Variants in RS1 observed in about 807,000 individuals in gnomAD.
RS1 encodes retinoschisin 1.
A neutral mutation model predicts 20.8 loss-of-function variants in RS1; 2 were observed. The ratio of observed to expected loss-of-function variants is 0.10; its 90% CI spans 0.04 to 0.30. The LOEUF (loss-of-function observed/expected upper bound fraction) is 0.30, where lower values mean the gene tolerates loss of function less well. Ranked by LOEUF, RS1 falls within the 10% of genes least tolerant of loss-of-function variation. RS1 has a pLI of 1.00. For synonymous variants in RS1, 70 were observed against 75.8 expected, an observed-to-expected ratio of 0.92 and a Z score of 0.40; for missense variants, 151 against 189.8, an observed-to-expected ratio of 0.80 and a Z score of 1.20.
rs186084361 is a variant in RS1 at position 18,663,704 on chromosome X, C to A, written c.53-6039G>T. Among the ~76,000 whole-genome samples, 3 of 111,266 alleles carry A rather than the reference C, an allele frequency of 2.7e-5. No individual in the cohort carries two copies. In the East Asian group the frequency reaches 8.5e-4, roughly 32 times the overall value. On this transcript the variant is annotated intron_variant, in intron 1 of 5. Coordinates refer to ENST00000379984, the MANE Select transcript of RS1 (RefSeq NM_000330.4). ...CAACACTGACCTTCCATCTTCACAC[C>A]GCAATGTTGGGTGCTGTCAGTCCCA...
intron 1 of RS1, among the ~76,000 whole-genome samples, chrX:18,667,623 T>C (rs1928426516): frequency 9.1e-6 from 1 of 110,325 alleles, no homozygotes; most frequent in Non-Finnish European, 1.9e-5. Context: ...TCACTGACAG[T>C]GTGGCTTTCA....
chrX:18,658,324 C>T (rs747110429), intron 1 of RS1, among the ~76,000 whole-genome samples: 2 of 111,768 alleles, frequency 1.8e-5, no homozygotes, highest in African/African-American at 3.2e-5. Context: ...ATAAATATTT[C>T]CCGTCATTTC....
At chrX:18,666,397 C>T (rs1168072928) in intron 1 of RS1, among the ~76,000 whole-genome samples, 3 of 111,047 alleles carry the variant, frequency 2.7e-5, no homozygotes, top group African/African-American at 9.8e-5. Context: ...GCCAAGCCCT[C>T]GAGGTGAGCG....
At chrX:18,657,761 C>T (rs1051090027) in intron 1 of RS1, 96 bp from the exon 2 acceptor site, 1 of 729,534 alleles carries the variant, frequency 1.4e-6, no homozygotes, top group Non-Finnish European at 2.2e-6. Context: ...GAAATAGTCA[C>T]ATGAAAGCTA....
rs919610943 is a variant in RS1, at chrX:18,641,781, C to A, written c.*223G>T. ...AGAAAATTCGTTTCGGGGACATTTT[C>A]TTTGTTCTGACTTTCTCTGGCCCTG... is the stretch of plus-strand genomic sequence containing the variant. On this transcript the variant is annotated 3_prime_UTR_variant, in exon 6 of 6. Transcript: ENST00000379984. 3 of 414,824 alleles carry A rather than the reference C, an allele frequency of 7.2e-6. No homozygotes were observed. The Admixed American group carries it at 1.3e-4, about 17-fold the overall frequency. 34.2% of individuals were successfully genotyped at this position (414,824 alleles called of 1,213,427 possible).
intron 1 of RS1, among the ~76,000 whole-genome samples, chrX:18,659,808 A>G (rs191384583): frequency 9.0e-6 from 1 of 111,437 alleles, no homozygotes; most frequent in East Asian, 2.8e-4. Context: ...CTCTCCTGAA[A>G]TGGGCCATCG....
intron 3 of RS1, among the ~76,000 whole-genome samples, chrX:18,654,171 G>T (rs1257045548): frequency 1.0e-4 from 10 of 95,551 alleles, no homozygotes; most frequent in Non-Finnish European, 2.0e-4. Flanking sequence ...TTTTTGGTGG[G>T]GGGGACAGGG....
In RS1 at chrX:18,644,419, G is replaced by T; in HGVS notation, c.522+11C>A. 1 of 1,209,511 alleles carries T rather than the reference G, an allele frequency of 8.3e-7. No homozygotes were observed. Among genetic ancestry groups the T allele is most frequent in the Non-Finnish European group, 1.1e-6 (1 of 893,630 alleles). On this transcript the variant is annotated intron_variant, in intron 5 of 5. Coordinates refer to ENST00000379984, the MANE Select transcript of RS1 (RefSeq NM_000330.4). The stretch of plus-strand genomic sequence containing the variant: ...GCGAGCTGAAGTTGGTTTGGGATAA[G>T]CCCAACTTACCCGGTTGTTTCCAGT...
intron 3 of RS1, among the ~76,000 whole-genome samples, chrX:18,651,558 G>A (rs1383008518): frequency 1.8e-5 from 2 of 110,965 alleles, no homozygotes; most frequent in Non-Finnish European, 3.8e-5. Context: ...AAGGTCCCTC[G>A]GACTGAGTAT....
chrX:18,642,217 C>G, intron 5 of RS1, 61 bp from the exon 6 acceptor site: 1 of 1,132,965 alleles, frequency 8.8e-7, no homozygotes, highest in African/African-American at 1.8e-5. Context: ...AAGAAGGGTT[C>G]CTTTCTGGAG....
intron 1 of RS1, among the ~76,000 whole-genome samples, chrX:18,661,554 TATCGG>T (rs764101875): frequency 9.0e-6 from 1 of 111,695 alleles, no homozygotes; most frequent in Admixed American, 9.5e-5. Context: ...TGCCTTGGGG[TATCGG>T]AAGAATCAGA....
chrX:18,672,077 C>G lies in RS1; in HGVS notation c.-9G>C. The G allele has an allele frequency of 8.3e-7, 1 of 1,207,936 alleles. No homozygotes were observed. Among genetic ancestry groups the G allele is most frequent in the Non-Finnish European group, 1.1e-6 (1 of 892,596 alleles). On this transcript the variant is annotated 5_prime_UTR_variant, in exon 1 of 6. Transcript: ENST00000379984. ...TCTATCTTGCGTGACATCTTCCCCT[C>G]GTCCTCGGCCAAAGCTCTACCTTAC...
intron 3 of RS1, chrX:18,653,561 G>A: frequency 8.3e-7 from 1 of 1,208,453 alleles, no homozygotes; most frequent in Non-Finnish European, 1.1e-6. Context: ...CAAGCCTGCG[G>A]CTGGTCCCAA....
chrX:18,641,881 A>C lies in RS1; in HGVS notation c.*123T>G. 2.8e-6 allele frequency: 2 copies of C among 711,356 alleles called. No individual in the cohort carries two copies. The highest frequency in any genetic ancestry group is 4.3e-6 in the Non-Finnish European group (2 of 462,419). The allele number at this position is 711,356 out of a possible 1,213,427, so 58.6% of individuals were successfully genotyped here. Reference sequence around the variant, plus strand: ...TTAAAAAAAAAAAAATTATCTACCCAGCACTGCAGTTACAATTGCTTTGCG... The same window carrying C: ...TTAAAAAAAAAAAAATTATCTACCCCGCACTGCAGTTACAATTGCTTTGCG... On this transcript the variant is annotated 3_prime_UTR_variant, in exon 6 of 6. Transcript: ENST00000379984.
intron 1 of RS1, among the ~76,000 whole-genome samples, chrX:18,664,755 C>T (rs1334552214): frequency 9.0e-6 from 1 of 111,220 alleles, no homozygotes; most frequent in East Asian, 2.8e-4. Context: ...TGCTCTGTCA[C>T]CCACACTGGA....
intron 1 of RS1, 62 bp from the exon 2 acceptor site, chrX:18,657,727 C>T: frequency 1.1e-6 from 1 of 921,005 alleles, no homozygotes; most frequent in Non-Finnish European, 1.6e-6. Flanking sequence ...AACAGCATCA[C>T]TCGTTACATG....
At chrX:18,650,380 T>C (rs1927976976) in intron 3 of RS1, 1 of 1,205,247 alleles carries the variant, frequency 8.3e-7, no homozygotes, top group Non-Finnish European at 1.1e-6. Context: ...GCCCCAAGCT[T>C]CATTCCACTG....
At chrX:18,657,162 A>G (rs1928230556) in intron 2 of RS1, among the ~76,000 whole-genome samples, 2 of 106,074 alleles carry the variant, frequency 1.9e-5, no homozygotes, top group Admixed American at 1.0e-4. Context: ...TCAAACACCA[A>G]TCGTGGAGCT....
At position 18,666,787 on chromosome X, in the gene RS1, C is replaced by A. The variant is rs183129495; in HGVS notation, c.52+5230G>T. ...CCACAGGATCTGCGGGCAGATTACG[C>A]GTGGCAGGGGTGGGGGTGTGAAAGA... On this transcript the variant is annotated intron_variant, in intron 1 of 5. Coordinates refer to ENST00000379984, the MANE Select transcript of RS1 (RefSeq NM_000330.4). Among the ~76,000 whole-genome samples the A allele has an allele frequency of 2.3e-3, 258 of 109,877 alleles. 2 individuals carry two copies. Among genetic ancestry groups the A allele is most frequent in the Middle Eastern group, 0.019 (4 of 214 alleles).
Sources: gnomAD v4.1 joint callset for allele counts (sites outside exome capture counted in the v4.1 genomes callset) on GRCh38, gnomAD v4.1.1 for gene constraint, MANE v1.5 for transcripts, NCBI Gene and HGNC (gene_info 2026-07-23, HGNC 2026-07-21) for gene names.